The following TLN2 variants were observed in gnomAD, a reference collection of about 807,000 sequenced individuals.
TLN2 encodes the protein talin-2.
TLN2 carries 118 observed loss-of-function variants against 294.7 expected under a neutral mutation model. That is an observed-to-expected ratio of 0.40 (90% CI 0.34 to 0.47). The LOEUF (loss-of-function observed/expected upper bound fraction) is 0.47, where lower values mean the gene tolerates loss of function less well. Ranked by LOEUF, TLN2 falls within the 20% of genes least tolerant of loss-of-function variation. The probability of loss-of-function intolerance (pLI) is 0.84; values close to 1 mark genes in which losing one functional copy is unlikely to be tolerated. For synonymous variants in TLN2, 1,431 were observed against 1,304.5 expected (o/e 1.10, Z -2.09); for missense variants, 3,083 against 3,282.2 (o/e 0.94, Z 1.48).
At chr15:62,716,023 T>C (rs2059749392) in intron 22 of TLN2, among the ~76,000 whole-genome samples, 1 of 152,218 alleles carries the variant, frequency 6.6e-6, no homozygotes, top group South Asian at 2.1e-4. Flanking sequence ...GAGGGGAGAT[T>C]TAATCTTCCC....
chr15:62,728,247 G>A (rs1332317545), intron 28 of TLN2, among the ~76,000 whole-genome samples: 4 of 152,124 alleles, frequency 2.6e-5, no homozygotes, highest in Admixed American at 6.5e-5. Context: ...TGTGCCCCTC[G>A]TGCCTAGCTG....
At chr15:62,812,011 C>CAATCAATAAATA (rs1555517217) in intron 52 of TLN2, among the ~76,000 whole-genome samples, 1 of 130,676 alleles carries the variant, frequency 7.7e-6, no homozygotes, top group African/African-American at 2.9e-5. Flanking sequence ...GACTCCATCT[C>CAATCAATAAATA]AATAAATAAA....
intron 15 of TLN2, among the ~76,000 whole-genome samples, 186 bp downstream of exon 15, chr15:62,698,054 G>A (rs1338912456): frequency 6.6e-6 from 1 of 152,206 alleles, no homozygotes; most frequent in Admixed American, 6.5e-5. Context: ...TATCGGAGGT[G>A]TCCTCTGTGA....
Position 62,455,255 on chromosome 15 carries a change from G to A in TLN2, c.-238+64570G>A, listed in dbSNP as rs936390167. Among the ~76,000 whole-genome samples, 4 of 151,966 alleles carry A rather than the reference G, an allele frequency of 2.6e-5. No individual in the cohort carries two copies. In the South Asian group the frequency reaches 8.3e-4, roughly 32 times the overall value. On this transcript the variant is annotated intron_variant, in intron 1 of 58. Transcript: ENST00000636159. ...GTCAGCAATATTGCAGTTTCCAGGT[G>A]AGGAGAGAGGTGCTCGATGGAGGGG...
Position 62,724,992 on chromosome 15 carries a change from G to A in TLN2, c.3143G>A (p.Gly1048Asp), listed in dbSNP as rs769733100. The part of the protein sequence containing the change: ...TASQKAHEAC[G>D]PMEIDSALNT... ...TGTTGGCAGGCCCATGAAGCTTGTG[G>A]TCCGATGGAAATCGATTCAGCTCTG... Residue 1048 changes from glycine to aspartate, a missense_variant, in exon 27 of 59, where the codon GGT becomes GAT. Physicochemically the swap from Gly to Asp is moderately conservative, Grantham distance 94. Coordinates refer to ENST00000636159, the MANE Select transcript of TLN2 (RefSeq NM_015059.3). 3 of 1,612,304 alleles carry A rather than the reference G, an allele frequency of 1.9e-6. No homozygotes were observed. Among genetic ancestry groups the A allele is most frequent in the Non-Finnish European group, 2.5e-6 (3 of 1,179,108 alleles).
At chr15:62,575,507 C>T (rs1363816913) in intron 1 of TLN2, among the ~76,000 whole-genome samples, 1 of 152,070 alleles carries the variant, frequency 6.6e-6, no homozygotes, top group African/African-American at 2.4e-5. Context: ...TTACTGTGGA[C>T]CAGTTACAAA....
chr15:62,797,211 T>C lies in TLN2; in HGVS notation c.6051-8T>C. ...TCCCCCTCTCCCCTGCCCTCCTGGC[T>C]CTCTCAGGGAGAACATTCTCAAGAC... On this transcript the variant is annotated splice_polypyrimidine_tract_variant and splice_region_variant and intron_variant, in intron 47 of 58. Transcript: ENST00000636159. The C allele has an allele frequency of 3.7e-6, 6 of 1,613,994 alleles. No individual in the cohort carries two copies. Among genetic ancestry groups the C allele is most frequent in the Non-Finnish European group, 4.2e-6 (5 of 1,179,988 alleles).
intron 5 of TLN2, among the ~76,000 whole-genome samples, chr15:62,651,219 T>C (rs2052551712): frequency 6.6e-6 from 1 of 152,202 alleles, no homozygotes; most frequent in Non-Finnish European, 1.5e-5. Flanking sequence ...ATTCTCAGCC[T>C]TGCAGGAGGT....
At chr15:62,758,607 G>C (rs1192898785) in intron 37 of TLN2, 6 of 152,220 alleles carry the variant, frequency 3.9e-5, no homozygotes, top group African/African-American at 1.4e-4. Context: ...AGCACTTTCA[G>C]TGTGTACCAC....
At chr15:62,429,643 T>A (rs2034908395) in intron 1 of TLN2, among the ~76,000 whole-genome samples, 1 of 152,172 alleles carries the variant, frequency 6.6e-6, no homozygotes, top group African/African-American at 2.4e-5. Flanking sequence ...AGGTTTGGGT[T>A]AATTTTGGGG....
intron 37 of TLN2, among the ~76,000 whole-genome samples, chr15:62,758,387 A>G (rs62004637): frequency 0.24 from 36,931 of 152,182 alleles, 4,603 homozygotes; most frequent in Middle Eastern, 0.28. Flanking sequence ...CCGAGTCACC[A>G]CATACGCTGT....
At chr15:62,604,187 A>C (rs2047224071) in intron 2 of TLN2, among the ~76,000 whole-genome samples, 1 of 152,254 alleles carries the variant, frequency 6.6e-6, no homozygotes, top group East Asian at 1.9e-4. Flanking sequence ...TTCGGGAGCC[A>C]TAGAAAATTC....
chr15:62,456,284 CT>C (rs1471587720), intron 1 of TLN2, among the ~76,000 whole-genome samples: 2 of 152,190 alleles, frequency 1.3e-5, no homozygotes, highest in East Asian at 3.9e-4. Flanking sequence ...TCTCAGCCTC[CT>C]ACTTCCTAGC....
At chr15:62,785,671 A>T (rs2064592114) in intron 45 of TLN2, among the ~76,000 whole-genome samples, 1 of 81,898 alleles carries the variant, frequency 1.2e-5, no homozygotes. Flanking sequence ...AAAAAAGGGG[A>T]AGAAGTGTTT....
chr15:62,789,409 G>A (rs2064921370), intron 45 of TLN2, among the ~76,000 whole-genome samples: 1 of 152,050 alleles, frequency 6.6e-6, no homozygotes, highest in East Asian at 1.9e-4. Flanking sequence ...ATGACCACTG[G>A]GCCAGCTGCA....
At chr15:62,717,426 A>G in intron 23 of TLN2, 150 bp from the exon 24 acceptor site, 1 of 428,202 alleles carries the variant, frequency 2.3e-6, no homozygotes, top group Non-Finnish European at 4.2e-6. Context: ...TTGTAAGATT[A>G]GGGTCATCAC....
chr15:62,589,865 G>A (rs565855453), intron 2 of TLN2, 103 bp downstream of exon 2: 7 of 152,226 alleles, frequency 4.6e-5, no homozygotes, highest in Non-Finnish European at 8.8e-5. Flanking sequence ...ATGCTGTCTC[G>A]TTTCATCTTC....
At chr15:62,591,285 C>G (rs2046057549) in intron 2 of TLN2, among the ~76,000 whole-genome samples, 1 of 152,178 alleles carries the variant, frequency 6.6e-6, no homozygotes, top group Non-Finnish European at 1.5e-5. Context: ...CAGCCATAGA[C>G]TAACCAAAAT....
At position 62,411,331 on chromosome 15, in the gene TLN2, G is replaced by T. The variant is rs1213152393; in HGVS notation, c.-238+20646G>T. On this transcript the variant is annotated intron_variant, in intron 1 of 58. Coordinates refer to ENST00000636159, the MANE Select transcript of TLN2 (RefSeq NM_015059.3). ...ATCATCCCCAAGTAATGAAGTTATT[G>T]CAAGGATTTAGTAGATGATGGATGT... Among the ~76,000 whole-genome samples, 3 of 152,122 alleles carry T rather than the reference G, an allele frequency of 2.0e-5. No individual in the cohort carries two copies. The East Asian group carries it at 5.8e-4, about 29-fold the overall frequency.
Sources: allele counts gnomAD v4.1 joint callset (sites outside exome capture counted in the v4.1 genomes callset), GRCh38; gene constraint gnomAD v4.1.1; transcripts MANE v1.5; gene names NCBI Gene and HGNC (gene_info 2026-07-23, HGNC 2026-07-21).